The following AGBL1 variants were observed in gnomAD, a reference collection of about 807,000 sequenced individuals.
AGBL1 encodes the protein AGBL carboxypeptidase 1.
In AGBL1, 130 loss-of-function variants were observed where a neutral mutation model predicts 118.9. The observed-to-expected ratio is 1.09, with a 90% CI of 0.95 to 1.26. The LOEUF (loss-of-function observed/expected upper bound fraction) is 1.26. Ranked by LOEUF, AGBL1 falls within the 50% of genes most tolerant of loss-of-function variation. AGBL1 has a pLI of 0.00. For missense variants in AGBL1, 1,584 were observed against 1,298.1 expected, an observed-to-expected ratio of 1.22 and a Z score of -3.38; for synonymous variants, 555 against 478.9, an observed-to-expected ratio of 1.16 and a Z score of -2.08.
chr15:86,966,161 A>T (rs1047188308), intron 23 of AGBL1, among the ~76,000 whole-genome samples: 1 of 152,036 alleles, frequency 6.6e-6, no homozygotes, highest in Non-Finnish European at 1.5e-5. Flanking sequence ...AATAAAGGCT[A>T]AGGTATCAGG....
chr15:86,722,673 A>C (rs1347604803), intron 22 of AGBL1, among the ~76,000 whole-genome samples: 4 of 152,240 alleles, frequency 2.6e-5, no homozygotes, highest in Admixed American at 1.3e-4. Context: ...TAATTAAACT[A>C]AAGAGCTTCT....
At chr15:86,329,636 G>A (rs2080240019) in intron 17 of AGBL1, among the ~76,000 whole-genome samples, 1 of 150,728 alleles carries the variant, frequency 6.6e-6, no homozygotes. Context: ...CATAGATCAT[G>A]GTGCAGTGGG....
At chr15:86,337,807 C>T (rs2080396537) in intron 17 of AGBL1, among the ~76,000 whole-genome samples, 1 of 152,206 alleles carries the variant, frequency 6.6e-6, no homozygotes, top group Non-Finnish European at 1.5e-5. Context: ...CACCATGGCA[C>T]ATGTTTACCT....
At chr15:86,374,806 C>A (rs1450582115) in intron 17 of AGBL1, among the ~76,000 whole-genome samples, 1 of 152,188 alleles carries the variant, frequency 6.6e-6, no homozygotes, top group Non-Finnish European at 1.5e-5. Context: ...TAGAACCCAG[C>A]CTTTAGGACG....
chr15:86,295,413 G>C lies in AGBL1; in HGVS notation c.2374+5G>C. On this transcript the variant is annotated splice_donor_5th_base_variant and intron_variant, in intron 17 of 22. Coordinates refer to ENST00000614907, the MANE Select transcript of AGBL1 (RefSeq NM_001386094.1). ...ATGAGCATCTAGAGCAGTTCCGTGAGTAAAATGGGATCCTCTTCGTAGAAG... is the reference window on the plus strand; with the variant it reads ...ATGAGCATCTAGAGCAGTTCCGTGACTAAAATGGGATCCTCTTCGTAGAAG... The C allele has an allele frequency of 6.5e-7, 1 of 1,549,368 alleles. No individual in the cohort carries two copies. Among genetic ancestry groups the C allele is most frequent in the Non-Finnish European group, 8.7e-7 (1 of 1,150,990 alleles).
intron 21 of AGBL1, among the ~76,000 whole-genome samples, chr15:86,631,881 T>A (rs1480692343): frequency 6.6e-6 from 1 of 152,184 alleles, no homozygotes; most frequent in Non-Finnish European, 1.5e-5. Context: ...CCCTGCTTCG[T>A]ACTAGTTTTA....
At chr15:86,286,609 C>G (rs1282008806) in intron 16 of AGBL1, among the ~76,000 whole-genome samples, 2 of 151,678 alleles carry the variant, frequency 1.3e-5, no homozygotes, top group Non-Finnish European at 2.9e-5. Context: ...ATATGTCCTT[C>G]AGGGTCATCC....
intron 20 of AGBL1, among the ~76,000 whole-genome samples, chr15:86,549,540 G>T (rs2083634547): frequency 6.6e-6 from 1 of 151,748 alleles, no homozygotes; most frequent in African/African-American, 2.4e-5. Flanking sequence ...TTAAAAAATA[G>T]AATCCAGAGA....
intron 21 of AGBL1, among the ~76,000 whole-genome samples, chr15:86,575,588 T>TA (rs202076835): frequency 1.3e-5 from 2 of 151,608 alleles, no homozygotes; most frequent in Admixed American, 6.6e-5. Context: ...TTCATGAACT[T>TA]AAAAAAAAAT....
chr15:86,947,390 TC>T (rs1378979504), intron 23 of AGBL1, among the ~76,000 whole-genome samples: 1 of 152,198 alleles, frequency 6.6e-6, no homozygotes, highest in Non-Finnish European at 1.5e-5. Context: ...TTCAGGTATT[TC>T]ATAAATTGCT....
Position 86,438,635 on chromosome 15 carries a change from G to A in AGBL1, c.2555+41089G>A, listed in dbSNP as rs909600857. Among the ~76,000 whole-genome samples the A allele has an allele frequency of 2.9e-4, 44 of 149,450 alleles. 1 individual carries two copies. The highest frequency in any genetic ancestry group is 9.6e-4 in the African/African-American group (39 of 40,632). On this transcript the variant is annotated intron_variant, in intron 18 of 22. Coordinates refer to ENST00000614907, the MANE Select transcript of AGBL1 (RefSeq NM_001386094.1). Reference sequence around the variant, plus strand: ...AAAATTTATCTACTTATCTAAATTCGTATATAACTGATAATCTGTCTCTTT... The same window carrying A: ...AAAATTTATCTACTTATCTAAATTCATATATAACTGATAATCTGTCTCTTT...
intron 18 of AGBL1, among the ~76,000 whole-genome samples, chr15:86,406,386 A>C (rs941839940): frequency 6.6e-6 from 1 of 152,218 alleles, no homozygotes; most frequent in African/African-American, 2.4e-5. Flanking sequence ...CACCCTGTCT[A>C]TGTGACTTCA....
At chr15:86,539,898 A>G (rs2083471918) in intron 19 of AGBL1, among the ~76,000 whole-genome samples, 1 of 152,172 alleles carries the variant, frequency 6.6e-6, no homozygotes, top group African/African-American at 2.4e-5. Context: ...TCTTATGGTA[A>G]TACAATGACC....
chr15:86,204,551 TTTGC>T (rs2077960339), intron 5 of AGBL1, among the ~76,000 whole-genome samples: 1 of 151,092 alleles, frequency 6.6e-6, no homozygotes, highest in Non-Finnish European at 1.5e-5. Flanking sequence ...TTCTCTTCTC[TTTGC>T]TTGCTTGCTC....
chr15:86,961,691 C>G (rs910294804), intron 23 of AGBL1, among the ~76,000 whole-genome samples: 2 of 152,128 alleles, frequency 1.3e-5, no homozygotes, highest in East Asian at 3.9e-4. Context: ...CTCCCATGTT[C>G]TGTGGGTCAG....
intron 21 of AGBL1, among the ~76,000 whole-genome samples, chr15:86,582,792 A>C (rs1164755531): frequency 1.4e-5 from 2 of 147,590 alleles, no homozygotes; most frequent in Non-Finnish European, 1.5e-5. Context: ...GTTCTCACTC[A>C]TAGGTGGGAA....
intron 17 of AGBL1, among the ~76,000 whole-genome samples, chr15:86,395,252 G>A (rs1020252854): frequency 2.0e-5 from 3 of 151,932 alleles, no homozygotes; most frequent in Non-Finnish European, 4.4e-5. Flanking sequence ...CTTTGCTTGA[G>A]CCACACATAA....
At chr15:86,651,837 G>A (rs1017876977) in intron 21 of AGBL1, among the ~76,000 whole-genome samples, 1 of 152,076 alleles carries the variant, frequency 6.6e-6, no homozygotes, top group Admixed American at 6.6e-5. Context: ...GTCTTCCTTG[G>A]TCCACTGCTT....
At chr15:86,702,874 G>C (rs1252767154) in intron 22 of AGBL1, among the ~76,000 whole-genome samples, 1 of 151,656 alleles carries the variant, frequency 6.6e-6, no homozygotes, top group African/African-American at 2.4e-5. Flanking sequence ...CAATGACTTG[G>C]ACTATAATCT....
Sources: gnomAD v4.1 joint callset for allele counts (sites outside exome capture counted in the v4.1 genomes callset) on GRCh38, gnomAD v4.1.1 for gene constraint, MANE v1.5 for transcripts, NCBI Gene and HGNC (gene_info 2026-07-23, HGNC 2026-07-21) for gene names.